The following NCKAP5 variants were observed in gnomAD, a reference collection of about 807,000 sequenced individuals.
NCKAP5 encodes NCK associated protein 5.
Under a neutral mutation model 167.0 loss-of-function variants are expected in NCKAP5, and 92 were observed. That is an observed-to-expected ratio of 0.55 (90% CI 0.47 to 0.66). The LOEUF is 0.66. Ranked by LOEUF, NCKAP5 falls within the 30% of genes least tolerant of loss-of-function variation. The probability of loss-of-function intolerance (pLI) is 0.00; values close to 1 mark genes in which losing one functional copy is unlikely to be tolerated. For missense variants in NCKAP5, 2,378 were observed against 2,315.0 expected (o/e 1.03, Z -0.56); for synonymous variants, 891 against 877.4 (o/e 1.02, Z -0.27).
chr2:132,868,996 T>C, intron 9 of NCKAP5, 22 bp from the exon 10 acceptor site: 3 of 1,516,026 alleles, frequency 2.0e-6, no homozygotes, highest in Middle Eastern at 3.4e-4. Context: ...AAAGAAAAAG[T>C]TGTCATTTAT....
At chr2:133,380,263 G>A (rs1023254866) in intron 3 of NCKAP5, among the ~76,000 whole-genome samples, 6 of 152,170 alleles carry the variant, frequency 3.9e-5, no homozygotes, top group South Asian at 2.1e-4. Flanking sequence ...TTTGGGAGAA[G>A]ATTTTTTTTC....
chr2:133,246,844 G>A (rs1254692830), intron 4 of NCKAP5, among the ~76,000 whole-genome samples: 1 of 152,166 alleles, frequency 6.6e-6, no homozygotes, highest in Non-Finnish European at 1.5e-5. Context: ...TGAGCAAACA[G>A]GTAGTGTTAA....
At chr2:132,966,454 T>C (rs536424524) in intron 7 of NCKAP5, among the ~76,000 whole-genome samples, 58 of 152,310 alleles carry the variant, frequency 3.8e-4, no homozygotes, top group Non-Finnish European at 7.2e-4. Flanking sequence ...CCTAAACTCC[T>C]AAATGAGGCT....
At chr2:132,942,532 G>A (rs1239266516) in intron 8 of NCKAP5, among the ~76,000 whole-genome samples, 1 of 152,090 alleles carries the variant, frequency 6.6e-6, no homozygotes, top group Non-Finnish European at 1.5e-5. Flanking sequence ...TATATTTTAT[G>A]TCTCCGATTA....
At chr2:133,202,513 TA>T (rs1163789297) in intron 5 of NCKAP5, among the ~76,000 whole-genome samples, 1 of 152,056 alleles carries the variant, frequency 6.6e-6, no homozygotes, top group Non-Finnish European at 1.5e-5. Context: ...AAAGCAAAGA[TA>T]ACAGAAGCCA....
intron 3 of NCKAP5, among the ~76,000 whole-genome samples, chr2:133,466,189 A>C (rs1208152916): frequency 6.8e-6 from 1 of 146,162 alleles, no homozygotes; most frequent in Non-Finnish European, 1.5e-5. Context: ...TTTTTGTATA[A>C]GGTGTAAGGA....
chr2:133,652,359 A>G, the NCKAP5 span, among the ~76,000 whole-genome samples: 1 of 152,258 alleles, frequency 6.6e-6, no homozygotes, highest in East Asian at 1.9e-4. Context: ...AAGAAAGAAC[A>G]CAGAGTTCTC....
chr2:133,327,752 A>G (rs1682551623), intron 3 of NCKAP5, among the ~76,000 whole-genome samples: 1 of 151,982 alleles, frequency 6.6e-6, no homozygotes, highest in African/African-American at 2.4e-5. Context: ...TTAGCCTTGG[A>G]TTTTTTATAA....
chr2:133,482,831 T>A (rs2151319834), intron 3 of NCKAP5, among the ~76,000 whole-genome samples: 1 of 152,278 alleles, frequency 6.6e-6, no homozygotes, highest in Non-Finnish European at 1.5e-5. Flanking sequence ...TTTAATAACT[T>A]CTCTATTACT....
intron 3 of NCKAP5, among the ~76,000 whole-genome samples, chr2:133,350,476 A>G (rs1176061740): frequency 6.6e-6 from 1 of 152,126 alleles, no homozygotes; most frequent in East Asian, 1.9e-4. Flanking sequence ...CCCCTCCCCT[A>G]CTTTGCTAAA....
chr2:132,877,870 C>G (rs1237595337), intron 9 of NCKAP5, among the ~76,000 whole-genome samples: 2 of 152,112 alleles, frequency 1.3e-5, no homozygotes, highest in African/African-American at 4.8e-5. Context: ...ATTGGCAGTT[C>G]CCACTGGAAA....
At chr2:133,645,507 C>T in the NCKAP5 span, among the ~76,000 whole-genome samples, 1 of 152,092 alleles carries the variant, frequency 6.6e-6, no homozygotes, top group Non-Finnish European at 1.5e-5. Flanking sequence ...GCAAGAGTCA[C>T]AATATCAATA....
At chr2:133,128,510 A>G (rs771676802) in intron 6 of NCKAP5, among the ~76,000 whole-genome samples, 1 of 152,132 alleles carries the variant, frequency 6.6e-6, no homozygotes, top group Non-Finnish European at 1.5e-5. Context: ...AAAGATTCCA[A>G]CTGCTAGAAT....
intron 8 of NCKAP5, among the ~76,000 whole-genome samples, chr2:132,900,181 C>T (rs959034667): frequency 6.6e-5 from 10 of 152,058 alleles, no homozygotes; most frequent in Admixed American, 3.3e-4. Flanking sequence ...ATTACCATAA[C>T]AGCTGTAATA....
intron 4 of NCKAP5, among the ~76,000 whole-genome samples, chr2:133,233,737 T>C (rs941157246): frequency 6.6e-6 from 1 of 152,246 alleles, no homozygotes; most frequent in African/African-American, 2.4e-5. Context: ...TAGCTGCTAC[T>C]ATTCTACATG....
intron 3 of NCKAP5, among the ~76,000 whole-genome samples, chr2:133,419,832 G>C (rs78183821): frequency 0.014 from 2,125 of 152,290 alleles, 47 homozygotes; most frequent in African/African-American, 0.048. Flanking sequence ...ATGACCACAT[G>C]CATATATGAC....
intron 6 of NCKAP5, among the ~76,000 whole-genome samples, chr2:133,048,196 T>G (rs2079474203): frequency 6.6e-6 from 1 of 152,136 alleles, no homozygotes; most frequent in Non-Finnish European, 1.5e-5. Flanking sequence ...AAAAGAGCAC[T>G]GGATTGGACT....
chr2:132,957,339 T>C (rs933105662), intron 8 of NCKAP5, among the ~76,000 whole-genome samples: 3 of 152,240 alleles, frequency 2.0e-5, no homozygotes, highest in South Asian at 2.1e-4. Context: ...TAATTCCTAA[T>C]AGACCTTACT....
intron 3 of NCKAP5, among the ~76,000 whole-genome samples, chr2:133,374,606 G>A (rs1309038935): frequency 6.6e-6 from 1 of 151,564 alleles, no homozygotes; most frequent in Non-Finnish European, 1.5e-5. Flanking sequence ...ATGGGGAGAA[G>A]TGCATGTCTA....
Sources: gnomAD v4.1 joint callset for allele counts (sites outside exome capture counted in the v4.1 genomes callset) on GRCh38, gnomAD v4.1.1 for gene constraint, MANE v1.5 for transcripts, NCBI Gene and HGNC (gene_info 2026-07-23, HGNC 2026-07-21) for gene names.